Variants in GNAQ observed in about 807,000 individuals in gnomAD.
GNAQ encodes the protein G protein subunit alpha q.
A neutral mutation model predicts 43.9 loss-of-function variants in GNAQ; 8 were observed. The ratio of observed to expected loss-of-function variants is 0.18; its 90% confidence interval spans 0.11 to 0.33. The LOEUF (loss-of-function observed/expected upper bound fraction) is 0.33. Among genes scored for constraint, GNAQ ranks in the 10% least tolerant of loss-of-function variants. The probability of loss-of-function intolerance (pLI) is 1.00; values close to 1 mark genes in which losing one functional copy is unlikely to be tolerated. For synonymous variants in GNAQ, 155 were observed against 170.7 expected (o/e 0.91, Z 0.71); for missense variants, 158 against 450.8 (o/e 0.35, Z 5.88).
At chr9:77,922,559 A>G (rs1040835242) in intron 1 of GNAQ, among the ~76,000 whole-genome samples, 1 of 152,180 alleles carries the variant, frequency 6.6e-6, no homozygotes, top group Non-Finnish European at 1.5e-5. Context: ...AACAACAATG[A>G]AAAACCCAAA....
chr9:77,776,351 A>G (rs1187668849), intron 5 of GNAQ, among the ~76,000 whole-genome samples: 1 of 152,228 alleles, frequency 6.6e-6, no homozygotes, highest in African/African-American at 2.4e-5. Flanking sequence ...CACAATTTAG[A>G]TTAAAAGACA....
At chr9:77,780,415 C>G (rs1189116138) in intron 5 of GNAQ, among the ~76,000 whole-genome samples, 1 of 148,084 alleles carries the variant, frequency 6.8e-6, no homozygotes, top group African/African-American at 2.5e-5. Context: ...CCAATTCTAT[C>G]CATGTTGCTG....
At chr9:77,911,279 G>A (rs1383728771) in intron 2 of GNAQ, among the ~76,000 whole-genome samples, 1 of 152,188 alleles carries the variant, frequency 6.6e-6, no homozygotes, top group Non-Finnish European at 1.5e-5. Context: ...TAGAGATAAT[G>A]CTGGACGTCC....
intron 2 of GNAQ, among the ~76,000 whole-genome samples, chr9:77,880,546 A>AT (rs1457908472): frequency 8.6e-6 from 1 of 115,746 alleles, no homozygotes; most frequent in East Asian, 2.7e-4. Context: ...CACCTGGATG[A>AT]TTTTTTCTGT....
At chr9:77,820,087 CAA>C (rs3083136) in intron 2 of GNAQ, among the ~76,000 whole-genome samples, 54,681 of 105,100 alleles carry the variant, frequency 0.52, 12,350 homozygotes, top group Middle Eastern at 0.61. Context: ...ATTTAAAATG[CAA>C]AAAAAAAAAA....
intron 1 of GNAQ, among the ~76,000 whole-genome samples, chr9:77,976,382 T>G (rs759599363): frequency 2.0e-5 from 3 of 150,374 alleles, no homozygotes; most frequent in Non-Finnish European, 1.5e-5. Flanking sequence ...GGTTTTTGGT[T>G]TTTTTTTGTT....
intron 5 of GNAQ, among the ~76,000 whole-genome samples, chr9:77,744,251 C>G (rs1350127771): frequency 6.6e-6 from 1 of 152,164 alleles, no homozygotes; most frequent in African/African-American, 2.4e-5. Context: ...GAGAAGTGCT[C>G]ACACTACATG....
intron 1 of GNAQ, among the ~76,000 whole-genome samples, chr9:77,940,610 A>C (rs1479464218): frequency 6.6e-6 from 1 of 151,902 alleles, no homozygotes; most frequent in Non-Finnish European, 1.5e-5. Flanking sequence ...TTTAAAAAGA[A>C]TCTAACACAT....
At chr9:77,813,137 C>T (rs1459611751) in intron 3 of GNAQ, among the ~76,000 whole-genome samples, 2 of 152,028 alleles carry the variant, frequency 1.3e-5, no homozygotes, top group South Asian at 2.1e-4. Flanking sequence ...AGGCTGGTCT[C>T]GAACTCCTGA....
At chr9:77,879,156 T>A (rs1828172998) in intron 2 of GNAQ, among the ~76,000 whole-genome samples, 1 of 151,902 alleles carries the variant, frequency 6.6e-6, no homozygotes, top group African/African-American at 2.4e-5. Flanking sequence ...TAGAAAAAAA[T>A]ACAGGAAAAT....
At chr9:77,995,119 A>C (rs1823553222) in intron 1 of GNAQ, among the ~76,000 whole-genome samples, 2 of 152,190 alleles carry the variant, frequency 1.3e-5, no homozygotes, top group Admixed American at 1.3e-4. Context: ...CCATGTGCCA[A>C]ATTCTAAGTA....
Position 77,872,055 on chromosome 9 carries a change from G to C in GNAQ, c.321+50106C>G, listed in dbSNP as rs111315094. 5.6e-3 allele frequency among the ~76,000 whole-genome samples: 847 copies of C among 152,288 alleles called. 1 individual carries two copies. The highest frequency in any genetic ancestry group is 0.019 in the African/African-American group (800 of 41,550). On this transcript the variant is annotated intron_variant, in intron 2 of 6. Transcript: ENST00000286548. Reference sequence around the variant, plus strand: ...TTCCAAATCAAATAATAGGTAGCATGTGCATCCAAAATTTCCTGAATGGCA... The same window carrying C: ...TTCCAAATCAAATAATAGGTAGCATCTGCATCCAAAATTTCCTGAATGGCA...
At chr9:77,834,129 A>G (rs1482229603) in intron 2 of GNAQ, among the ~76,000 whole-genome samples, 1 of 152,224 alleles carries the variant, frequency 6.6e-6, no homozygotes. Context: ...CACAACAATG[A>G]TTTAGTGTCA....
At chr9:77,796,714 A>G (rs1174126743) in intron 4 of GNAQ, among the ~76,000 whole-genome samples, 1 of 152,216 alleles carries the variant, frequency 6.6e-6, no homozygotes, top group African/African-American at 2.4e-5. Flanking sequence ...AACATATTTT[A>G]TGAATACAAA....
chr9:77,845,544 C>A (rs1005701096), intron 2 of GNAQ, among the ~76,000 whole-genome samples: 5 of 152,038 alleles, frequency 3.3e-5, no homozygotes, highest in African/African-American at 1.2e-4. Context: ...CATATGAACC[C>A]CCAAAGTTAC....
chr9:77,833,751 C>T (rs1827338965), intron 2 of GNAQ, among the ~76,000 whole-genome samples: 1 of 152,166 alleles, frequency 6.6e-6, no homozygotes. Context: ...TGGTCATATA[C>T]ACACCTTTTT....
At chr9:77,869,039 T>C (rs1366565997) in intron 2 of GNAQ, among the ~76,000 whole-genome samples, 3 of 152,150 alleles carry the variant, frequency 2.0e-5, no homozygotes, top group Non-Finnish European at 4.4e-5. Flanking sequence ...ACAAGTTATA[T>C]TTAGGGACTC....
At chr9:77,783,680 G>C (rs1005224008) in intron 5 of GNAQ, among the ~76,000 whole-genome samples, 1 of 152,118 alleles carries the variant, frequency 6.6e-6, no homozygotes, top group Non-Finnish European at 1.5e-5. Context: ...TTCTAACCTA[G>C]GGCTGAGAGG....
chr9:77,926,464 T>C (rs1829073999), intron 1 of GNAQ, among the ~76,000 whole-genome samples: 2 of 152,196 alleles, frequency 1.3e-5, no homozygotes, highest in Admixed American at 1.3e-4. Flanking sequence ...CAGTGATGAC[T>C]AATGTCTTTT....
Sources: gnomAD v4.1 joint callset for allele counts (sites outside exome capture counted in the v4.1 genomes callset) on GRCh38, gnomAD v4.1.1 for gene constraint, MANE v1.5 for transcripts, NCBI Gene and HGNC (gene_info 2026-07-23, HGNC 2026-07-21) for gene names.